The following KCNQ1 variants were observed in gnomAD, a reference collection of about 807,000 sequenced individuals.
KCNQ1 encodes the protein potassium voltage-gated channel subfamily Q member 1, also known as potassium voltage-gated channel subfamily KQT member 1.
Under a neutral mutation model 72.4 loss-of-function variants are expected in KCNQ1, and 49 were observed. The observed-to-expected ratio is 0.68, with a 90% CI of 0.54 to 0.86. The LOEUF is 0.86. Among genes scored for constraint, KCNQ1 ranks in the 40% least tolerant of loss-of-function variants. The pLI is 0.00. For synonymous variants in KCNQ1, 450 were observed against 412.6 expected, an observed-to-expected ratio of 1.09 and a Z score of -1.10; for missense variants, 790 against 945.1, an observed-to-expected ratio of 0.84 and a Z score of 2.15.
chr11:2,472,791 G>A (rs1480115271), intron 1 of KCNQ1, among the ~76,000 whole-genome samples: 9 of 152,214 alleles, frequency 5.9e-5, no homozygotes, highest in Non-Finnish European at 1.3e-4. Context: ...TGCCACTCCA[G>A]CTTGTTTGAG....
chr11:2,532,208 T>G (rs1451021279), intron 2 of KCNQ1, among the ~76,000 whole-genome samples: 1 of 152,124 alleles, frequency 6.6e-6, no homozygotes, highest in Non-Finnish European at 1.5e-5. Flanking sequence ...CTCAGGCCAT[T>G]CCACACTCCC....
chr11:2,533,584 A>T (rs944792547), intron 2 of KCNQ1, among the ~76,000 whole-genome samples: 8 of 152,216 alleles, frequency 5.3e-5, no homozygotes, highest in African/African-American at 1.7e-4. Flanking sequence ...GCCTGTGGGT[A>T]GCTCCGTGCG....
intron 10 of KCNQ1, among the ~76,000 whole-genome samples, chr11:2,589,972 C>G (rs545954779): frequency 6.6e-6 from 1 of 152,300 alleles, no homozygotes; most frequent in Admixed American, 6.5e-5. Flanking sequence ...GCCACGGATG[C>G]CCTTGAGAGT....
intron 10 of KCNQ1, chr11:2,632,594 T>C: frequency 2.5e-6 from 1 of 398,386 alleles, no homozygotes; most frequent in East Asian, 3.6e-5. Context: ...GTGATACATG[T>C]ATATAATGTG....
At position 2,499,526 on chromosome 11, in the gene KCNQ1, G is replaced by GCCC. The variant is rs1564798216; in HGVS notation, c.387-28399_387-28397dup. ...AGACAGAGTGGTTGAATGGACCCCTGCCCCCACAAAAAAAGACCCAATTAT... is the reference window on the plus strand; with the variant it reads ...AGACAGAGTGGTTGAATGGACCCCTGCCCCCCCCACAAAAAAAGACCCAATTAT... On this transcript the variant is annotated intron_variant, in intron 1 of 15. Transcript: ENST00000155840. Among the ~76,000 whole-genome samples the GCCC allele has an allele frequency of 8.6e-3, 491 of 57,154 alleles. 4 individuals carry two copies. Among genetic ancestry groups the GCCC allele is most frequent in the Middle Eastern group, 0.034 (4 of 118 alleles). The allele number at this position is 57,154 out of a possible 152,430, so 37.5% of individuals were successfully genotyped here.
chr11:2,555,129 C>T (rs1589947738), intron 2 of KCNQ1, among the ~76,000 whole-genome samples: 2 of 152,352 alleles, frequency 1.3e-5, no homozygotes, highest in Admixed American at 1.3e-4. Flanking sequence ...CTAAAGTAAA[C>T]AGGGTTCAAC....
At chr11:2,570,104 C>A (rs1461199758) in intron 2 of KCNQ1, among the ~76,000 whole-genome samples, 4 of 151,978 alleles carry the variant, frequency 2.6e-5, no homozygotes, top group Non-Finnish European at 5.9e-5. Flanking sequence ...GGGTTCCTGG[C>A]GTGGGACCCC....
rs1361264241 is a variant in KCNQ1, at chr11:2,813,804, G to A, written c.1795-33963G>A. Among the ~76,000 whole-genome samples, 1 of 152,110 alleles carries A rather than the reference G, an allele frequency of 6.6e-6. No homozygotes were observed. ...CGGGCACATAGGCCTGGGGTGTGGG[G>A]AGCATTAATGAGTGTGAGTGAGTGG... On this transcript the variant is annotated intron_variant, in intron 15 of 15. Coordinates refer to ENST00000155840, the MANE Select transcript of KCNQ1 (RefSeq NM_000218.3). The surrounding 1 kb of genome is among the most constrained non-coding windows in gnomAD (Gnocchi z 4.4).
At position 2,623,555 on chromosome 11, in the gene KCNQ1, G is replaced by C; in HGVS notation, c.1393+34701G>C. On this transcript the variant is annotated intron_variant, in intron 10 of 15. Transcript: ENST00000155840. The surrounding 1 kb of genome is among the most constrained non-coding windows in gnomAD (Gnocchi z 5.2). Reference sequence around the variant, plus strand: ...TCTTCAGATTGCCTTATTTCACATAGTAATATGTTTTTTAATTACCTCCAT... The same window carrying C: ...TCTTCAGATTGCCTTATTTCACATACTAATATGTTTTTTAATTACCTCCAT... 2 of 398,516 alleles carry C rather than the reference G, an allele frequency of 5.0e-6. No homozygotes were observed. Among genetic ancestry groups the C allele is most frequent in the Non-Finnish European group, 8.8e-6 (2 of 226,042 alleles). 24.7% of individuals were successfully genotyped at this position (398,516 alleles called of 1,614,324 possible).
rs1350225094 is a variant in KCNQ1, at chr11:2,652,062, A to T, written c.1394-9899A>T. 3 of 398,474 alleles carry T rather than the reference A, an allele frequency of 7.5e-6. No individual in the cohort carries two copies. Among genetic ancestry groups the T allele is most frequent in the East Asian group, 3.6e-5 (1 of 28,076 alleles). 24.7% of individuals were successfully genotyped at this position (398,474 alleles called of 1,614,324 possible). On this transcript the variant is annotated intron_variant, in intron 10 of 15. Transcript: ENST00000155840. The surrounding 1 kb of genome is among the most constrained non-coding windows in gnomAD (Gnocchi z 5.9). ...GTGGCTCTGACTGTGTCCAGGCTCCAATTTGAGAAGCTATGGGGAGCCTCT... is the reference window on the plus strand; with the variant it reads ...GTGGCTCTGACTGTGTCCAGGCTCCTATTTGAGAAGCTATGGGGAGCCTCT...
Position 2,658,449 on chromosome 11 carries a change from C to T in KCNQ1, c.1394-3512C>T, listed in dbSNP as rs1849890145. 1 of 398,478 alleles carries T rather than the reference C, an allele frequency of 2.5e-6. No individual in the cohort carries two copies. The highest frequency in any genetic ancestry group is 4.4e-6 in the Non-Finnish European group (1 of 226,022). The allele number at this position is 398,478 out of a possible 1,614,324, so 24.7% of individuals were successfully genotyped here. ...TGTGGCCACTGGTGGGTTCATGTGT[C>T]CTTTTGATGTGCCCCCCGCCATCCT... On this transcript the variant is annotated intron_variant, in intron 10 of 15. Coordinates refer to ENST00000155840, the MANE Select transcript of KCNQ1 (RefSeq NM_000218.3). This position sits in a 1 kb window ranked among gnomAD's most constrained non-coding sequence, Gnocchi z 4.9.
Position 2,768,052 on chromosome 11 carries a change from A to G in KCNQ1, c.1515-792A>G, listed in dbSNP as rs1030867493. ...TTTCTATGTGGGATCCTCACCTTCT[A>G]TGTCTTTCTTGGTCTCCAAAGCCTC... On this transcript the variant is annotated intron_variant, in intron 11 of 15. Transcript: ENST00000155840. This position sits in a 1 kb window ranked among gnomAD's most constrained non-coding sequence, Gnocchi z 6.7. Among the ~76,000 whole-genome samples the G allele has an allele frequency of 3.3e-5, 5 of 152,014 alleles. No individual in the cohort carries two copies. The highest frequency in any genetic ancestry group is 5.9e-5 in the Non-Finnish European group (4 of 67,990).
chr11:2,482,480 T>G lies in KCNQ1; in HGVS notation c.386+36996T>G, dbSNP rs1275898001. Reference sequence around the variant, plus strand: ...AAATCCTTGTACACTCATTTTTGCCTGGAACTCAAGATTATTTCCTTGGGT... The same window carrying G: ...AAATCCTTGTACACTCATTTTTGCCGGGAACTCAAGATTATTTCCTTGGGT... On this transcript the variant is annotated intron_variant, in intron 1 of 15. Coordinates refer to ENST00000155840, the MANE Select transcript of KCNQ1 (RefSeq NM_000218.3). This position sits in a 1 kb window ranked among gnomAD's most constrained non-coding sequence, Gnocchi z 5.7. Among the ~76,000 whole-genome samples the G allele has an allele frequency of 6.6e-6, 1 of 152,208 alleles. No individual in the cohort carries two copies. The highest frequency in any genetic ancestry group is 2.4e-5 in the African/African-American group (1 of 41,446).
chr11:2,466,779 G>A (rs1564788975), intron 1 of KCNQ1, among the ~76,000 whole-genome samples: 1 of 152,046 alleles, frequency 6.6e-6, no homozygotes. Context: ...ATGTTCCTTA[G>A]CCTCCCTTGG....
chr11:2,575,680 C>T (rs987947049), intron 6 of KCNQ1, among the ~76,000 whole-genome samples: 2 of 152,222 alleles, frequency 1.3e-5, no homozygotes, highest in African/African-American at 2.4e-5. Context: ...GTCCGTCCGT[C>T]GGGGCTGCCA....
At chr11:2,533,087 G>A (rs1847668719) in intron 2 of KCNQ1, among the ~76,000 whole-genome samples, 1 of 152,216 alleles carries the variant, frequency 6.6e-6, no homozygotes, top group East Asian at 1.9e-4. Flanking sequence ...CCGCATGAGG[G>A]ATTCCGAGAG....
At chr11:2,528,083 G>T (rs948331592) in intron 2 of KCNQ1, 65 bp downstream of exon 2, 7 of 1,372,944 alleles carry the variant, frequency 5.1e-6, no homozygotes, top group Non-Finnish European at 6.1e-6. Flanking sequence ...TCTCCCTGGC[G>T]CTGGGCCCCA....
At position 2,844,835 on chromosome 11, in the gene KCNQ1, A is replaced by C. The variant is rs111595289; in HGVS notation, c.1795-2932A>C. Among the ~76,000 whole-genome samples the C allele has an allele frequency of 2.5e-3, 381 of 152,314 alleles. 3 individuals are homozygous for C. The highest frequency in any genetic ancestry group is 8.7e-3 in the African/African-American group (360 of 41,560). On this transcript the variant is annotated intron_variant, in intron 15 of 15. Coordinates refer to ENST00000155840, the MANE Select transcript of KCNQ1 (RefSeq NM_000218.3). The stretch of plus-strand genomic sequence containing the variant: ...TCATCTGTGATGTATTTGGTGCTTT[A>C]ATTAATGCCAAACCAATTGATACCC...
rs374149814 is a variant in KCNQ1, at chr11:2,690,354, G to C, written c.1514+28273G>C. The C allele has an allele frequency of 5.0e-6, 2 of 398,704 alleles. No individual in the cohort carries two copies. Among genetic ancestry groups the C allele is most frequent in the East Asian group, 3.6e-5 (1 of 28,076 alleles). 24.7% of individuals were successfully genotyped at this position (398,704 alleles called of 1,614,324 possible). A position where few individuals can be genotyped will look rare whatever the true frequency, so the allele number is the denominator to read the frequency against. The stretch of plus-strand genomic sequence containing the variant: ...AGTCTGAGGCTGCCCTGCAGCTGCT[G>C]TTTCCACTACTTGGCATGGAACATG... On this transcript the variant is annotated intron_variant, in intron 11 of 15. Coordinates refer to ENST00000155840, the MANE Select transcript of KCNQ1 (RefSeq NM_000218.3). This position sits in a 1 kb window ranked among gnomAD's most constrained non-coding sequence, Gnocchi z 5.1.
Sources: gnomAD v4.1 joint callset for allele counts (sites outside exome capture counted in the v4.1 genomes callset) on GRCh38, gnomAD v4.1.1 for gene constraint, Gnocchi (gnomAD v3.1) non-coding constraint, MANE v1.5 for transcripts, NCBI Gene and HGNC (gene_info 2026-07-23, HGNC 2026-07-21) for gene names.